Variants in CPED1 observed in about 807,000 individuals in gnomAD.
The protein encoded by CPED1 is cadherin like and PC-esterase domain containing 1.
In CPED1, 114 loss-of-function variants were observed where a neutral mutation model predicts 128.2. The ratio of observed to expected loss-of-function variants is 0.89; its 90% CI spans 0.76 to 1.04. The LOEUF is 1.04. Ranked by LOEUF, CPED1 falls within the 50% of genes least tolerant of loss-of-function variation. The probability of loss-of-function intolerance (pLI) is 0.00; values close to 1 mark genes in which losing one functional copy is unlikely to be tolerated. For synonymous variants in CPED1, 462 were observed against 426.7 expected, an observed-to-expected ratio of 1.08 and a Z score of -1.02; for missense variants, 1,211 against 1,207.1, an observed-to-expected ratio of 1.00 and a Z score of -0.05.
chr7:121,085,039 A>G (rs1794386737), intron 5 of CPED1, among the ~76,000 whole-genome samples: 1 of 148,982 alleles, frequency 6.7e-6, no homozygotes, highest in Non-Finnish European at 1.5e-5. Context: ...CTATGTATTC[A>G]TAAGTACAAT....
intron 22 of CPED1, among the ~76,000 whole-genome samples, chr7:121,294,170 T>C (rs1177067989): frequency 6.6e-6 from 1 of 152,114 alleles, no homozygotes; most frequent in Admixed American, 6.6e-5. Context: ...ACAACGTTTG[T>C]AAAATGTACA....
At chr7:121,200,519 G>A (rs1382916040) in intron 16 of CPED1, among the ~76,000 whole-genome samples, 4 of 152,086 alleles carry the variant, frequency 2.6e-5, no homozygotes, top group Non-Finnish European at 5.9e-5. Context: ...AAGGCAAAAT[G>A]GAGAGGTTCT....
chr7:121,222,095 C>T (rs1797891953), intron 16 of CPED1, among the ~76,000 whole-genome samples: 1 of 152,152 alleles, frequency 6.6e-6, no homozygotes, highest in African/African-American at 2.4e-5. Context: ...TTAGGTCTAA[C>T]ATTTAAGTCT....
At chr7:121,023,936 G>T (rs564581006) in intron 3 of CPED1, among the ~76,000 whole-genome samples, 12 of 152,204 alleles carry the variant, frequency 7.9e-5, no homozygotes, top group African/African-American at 2.6e-4. Context: ...TTTGACATAC[G>T]TTTTTCATTA....
chr7:121,208,717 C>G (rs746358032), intron 16 of CPED1, among the ~76,000 whole-genome samples: 1 of 152,002 alleles, frequency 6.6e-6, no homozygotes, highest in Non-Finnish European at 1.5e-5. Flanking sequence ...CACAATGACT[C>G]TGGTTTCCAG....
At chr7:121,040,671 G>A (rs911093333) in intron 3 of CPED1, among the ~76,000 whole-genome samples, 3 of 151,040 alleles carry the variant, frequency 2.0e-5, no homozygotes, top group Non-Finnish European at 3.0e-5. Flanking sequence ...TGAAAAGAAG[G>A]GTAATACAAA....
At chr7:121,032,146 A>G (rs1403059632) in intron 3 of CPED1, among the ~76,000 whole-genome samples, 1 of 152,208 alleles carries the variant, frequency 6.6e-6, no homozygotes, top group Non-Finnish European at 1.5e-5. Flanking sequence ...AACCAACGTG[A>G]TAGAATTTAA....
intron 16 of CPED1, among the ~76,000 whole-genome samples, chr7:121,159,353 C>T (rs1466721183): frequency 3.3e-5 from 5 of 152,034 alleles, no homozygotes; most frequent in Non-Finnish European, 7.4e-5. Flanking sequence ...GGGGAGTGAT[C>T]AATTGGAGTT....
chr7:121,048,101 A>C (rs1793263020), intron 4 of CPED1, among the ~76,000 whole-genome samples: 1 of 152,032 alleles, frequency 6.6e-6, no homozygotes, highest in Non-Finnish European at 1.5e-5. Flanking sequence ...TTCTCTGCCC[A>C]TTCTTTGAAT....
intron 6 of CPED1, among the ~76,000 whole-genome samples, chr7:121,099,665 C>A (rs1794792959): frequency 1.3e-5 from 2 of 152,176 alleles, no homozygotes; most frequent in South Asian, 4.1e-4. Context: ...TACGCTCAGC[C>A]ACCTTTTTTA....
intron 2 of CPED1, among the ~76,000 whole-genome samples, 158 bp downstream of exon 2, chr7:120,990,028 CA>C (rs1293742335): frequency 6.6e-6 from 1 of 152,186 alleles, no homozygotes; most frequent in Non-Finnish European, 1.5e-5. Flanking sequence ...AAACACGTTA[CA>C]TAAGCTTCAA....
At chr7:121,021,618 A>C (rs1290940211) in intron 3 of CPED1, among the ~76,000 whole-genome samples, 4 of 152,010 alleles carry the variant, frequency 2.6e-5, no homozygotes, top group Non-Finnish European at 5.9e-5. Context: ...TTTGGAAATT[A>C]AAAAGTATAA....
At chr7:121,223,693 G>T (rs939559910) in intron 16 of CPED1, among the ~76,000 whole-genome samples, 5 of 151,914 alleles carry the variant, frequency 3.3e-5, no homozygotes, top group African/African-American at 4.8e-5. Context: ...CATGGGAGTT[G>T]TATATGTCCA....
chr7:121,118,836 G>T (rs1795315167), intron 7 of CPED1, among the ~76,000 whole-genome samples: 1 of 151,950 alleles, frequency 6.6e-6, no homozygotes, highest in Non-Finnish European at 1.5e-5. Context: ...GGGATGGCCG[G>T]GAGGCATCGC....
intron 16 of CPED1, among the ~76,000 whole-genome samples, chr7:121,214,178 A>G (rs983784621): frequency 1.3e-5 from 2 of 152,128 alleles, no homozygotes; most frequent in African/African-American, 4.8e-5. Flanking sequence ...TCTTGCCAAC[A>G]TGATGAGGAT....
At position 121,296,878 on chromosome 7, in the gene CPED1, A is replaced by C. The variant is rs1792833031; in HGVS notation, c.*1226A>C. ...GGTGGGAAGCTGAGAGGGTTAATTC[A>C]ATACATGGCTGAAATTACCAAATGT... On this transcript the variant is annotated 3_prime_UTR_variant, in exon 23 of 23. Coordinates refer to ENST00000310396, the MANE Select transcript of CPED1 (RefSeq NM_024913.5). The C allele has an allele frequency of 1.3e-5, 2 of 152,530 alleles. No homozygotes were observed. Among genetic ancestry groups the C allele is most frequent in the Non-Finnish European group, 2.9e-5 (2 of 67,936 alleles). The allele number at this position is 152,530 out of a possible 1,614,324, so 9.4% of individuals were successfully genotyped here.
intron 22 of CPED1, 117 bp downstream of exon 22, chr7:121,271,547 G>T: frequency 1.0e-6 from 1 of 1,002,386 alleles, no homozygotes; most frequent in Non-Finnish European, 1.5e-6. Flanking sequence ...GTCAGGTGGA[G>T]ATTAAATGAT....
intron 4 of CPED1, chr7:121,051,664 T>A (rs1018923567): frequency 1.2e-5 from 4 of 322,334 alleles, no homozygotes; most frequent in African/African-American, 9.0e-5. Flanking sequence ...CTTCTCCCTG[T>A]CAGAATTGTG....
At chr7:121,241,906 G>A (rs1009824301) in intron 17 of CPED1, among the ~76,000 whole-genome samples, 2 of 152,150 alleles carry the variant, frequency 1.3e-5, no homozygotes, top group Non-Finnish European at 2.9e-5. Context: ...TAAACAGTGA[G>A]TTTTATCCTT....
Sources: allele counts gnomAD v4.1 joint callset (sites outside exome capture counted in the v4.1 genomes callset), GRCh38; gene constraint gnomAD v4.1.1; transcripts MANE v1.5; gene names NCBI Gene and HGNC (gene_info 2026-07-23, HGNC 2026-07-21).